KLHL29: variants seen among roughly 807,000 people sequenced by gnomAD.
KLHL29 encodes kelch like family member 29.
Under a neutral mutation model 80.4 loss-of-function variants are expected in KLHL29, and 21 were observed. The observed-to-expected ratio is 0.26, with a 90% CI of 0.19 to 0.38. The LOEUF (loss-of-function observed/expected upper bound fraction) is 0.38. KLHL29 is among the 10% of genes least tolerant of loss of function. The pLI is 1.00. For synonymous variants in KLHL29, 511 were observed against 526.8 expected (o/e 0.97, Z 0.41); for missense variants, 867 against 1,223.9 (o/e 0.71, Z 4.35).
At position 23,700,088 on chromosome 2, in the gene KLHL29, C is replaced by T. The variant is rs891782009; in HGVS notation, c.2106-3098C>T. On this transcript the variant is annotated intron_variant, in intron 11 of 13. Transcript: ENST00000486442. The surrounding 1 kb of genome is among the most constrained non-coding windows in gnomAD (Gnocchi z 4.6). ...CCCTCTGCACTTTGGATTCCATTTG[C>T]ATCCACCTCCTGGAAGCCTTCCATC... 3.9e-5 allele frequency among the ~76,000 whole-genome samples: 6 copies of T among 152,322 alleles called. No homozygotes were observed. Among genetic ancestry groups the T allele is most frequent in the East Asian group, 1.9e-4 (1 of 5,176 alleles).
chr2:23,638,389 G>GT lies in KLHL29; in HGVS notation c.286-740dup, dbSNP rs1027554909. 2.4e-3 allele frequency among the ~76,000 whole-genome samples: 354 copies of GT among 148,566 alleles called. 2 individuals carry two copies. The highest frequency in any genetic ancestry group is 6.1e-3 in the African/African-American group (247 of 40,618). ...TCAGGGAGACAAATACTGTCCTGGT[G>GT]TTTTTTTTTTCACTCTGAGGTTTAT... On this transcript the variant is annotated intron_variant, in intron 3 of 13. Transcript: ENST00000486442.
At chr2:23,386,041 C>A (rs1168524248) in intron 1 of KLHL29, among the ~76,000 whole-genome samples, 2 of 152,104 alleles carry the variant, frequency 1.3e-5, no homozygotes, top group Non-Finnish European at 2.9e-5. Flanking sequence ...GTGTATGCAC[C>A]GGGGCTGCCT....
chr2:23,517,473 GCAGAGGTTGCAGTGAGCCGAGATCGTGC>G (rs975650212), intron 2 of KLHL29, among the ~76,000 whole-genome samples: 2 of 152,214 alleles, frequency 1.3e-5, no homozygotes, highest in Non-Finnish European at 2.9e-5. Flanking sequence ...TACCGGGGAG[GCAGAGGTTGCAGTGAGCCGAGATCGTGC>G]CACTGCACTA....
chr2:23,611,325 T>A (rs1251004240), intron 3 of KLHL29, among the ~76,000 whole-genome samples: 2 of 151,940 alleles, frequency 1.3e-5, no homozygotes, highest in Non-Finnish European at 2.9e-5. Context: ...GCTTGCAGGG[T>A]CAGAGGACCA....
intron 2 of KLHL29, among the ~76,000 whole-genome samples, chr2:23,514,791 A>G (rs1665872761): frequency 6.6e-6 from 1 of 152,206 alleles, no homozygotes; most frequent in African/African-American, 2.4e-5. Context: ...TTTCATGAAA[A>G]TAGACCACGC....
chr2:23,662,369 C>T (rs995002814), intron 5 of KLHL29, among the ~76,000 whole-genome samples: 7 of 152,324 alleles, frequency 4.6e-5, no homozygotes, highest in South Asian at 2.1e-4. Flanking sequence ...AGGGCCACGT[C>T]GTGTTCTGAG....
At chr2:23,606,862 A>G (rs993151324) in intron 3 of KLHL29, among the ~76,000 whole-genome samples, 2 of 152,218 alleles carry the variant, frequency 1.3e-5, no homozygotes, top group African/African-American at 4.8e-5. Flanking sequence ...TACTGTAAAC[A>G]GGGTGGCTTA....
intron 5 of KLHL29, among the ~76,000 whole-genome samples, chr2:23,651,337 T>G (rs2149163865): frequency 6.6e-6 from 1 of 152,328 alleles, no homozygotes; most frequent in Non-Finnish European, 1.5e-5. Context: ...AAGCACAGAC[T>G]AAGACTGTGA....
chr2:23,436,268 A>G (rs1049627521), intron 1 of KLHL29, among the ~76,000 whole-genome samples: 2 of 148,762 alleles, frequency 1.3e-5, no homozygotes, highest in Non-Finnish European at 3.0e-5. Context: ...AGAAGTAAAT[A>G]GCCAATCAGC....
intron 3 of KLHL29, among the ~76,000 whole-genome samples, chr2:23,606,409 G>A (rs1668730242): frequency 1.3e-5 from 2 of 152,058 alleles, no homozygotes; most frequent in African/African-American, 4.8e-5. Flanking sequence ...CCCTTCCTGT[G>A]ACTCACTGTG....
chr2:23,459,594 G>T (rs1240619800), intron 1 of KLHL29, among the ~76,000 whole-genome samples: 1 of 152,234 alleles, frequency 6.6e-6, no homozygotes, highest in East Asian at 1.9e-4. Flanking sequence ...GCAAAGGGAA[G>T]CAAGGGCTTC....
At chr2:23,385,968 C>A (rs1025530528) in intron 1 of KLHL29, among the ~76,000 whole-genome samples, 188 bp downstream of exon 1, 1 of 151,988 alleles carries the variant, frequency 6.6e-6, no homozygotes, top group Non-Finnish European at 1.5e-5. Flanking sequence ...GCTGCAGGAG[C>A]CCTTGCGCCT....
intron 5 of KLHL29, among the ~76,000 whole-genome samples, chr2:23,650,959 A>G (rs988312020): frequency 6.6e-6 from 1 of 152,168 alleles, no homozygotes; most frequent in Non-Finnish European, 1.5e-5. Context: ...TAGGAAACAA[A>G]ACTGGAGAAA....
intron 1 of KLHL29, among the ~76,000 whole-genome samples, chr2:23,396,886 CTCTT>C (rs933474354): frequency 3.3e-5 from 5 of 152,178 alleles, no homozygotes; most frequent in Admixed American, 3.3e-4. Context: ...AAAATTTCCT[CTCTT>C]TCCCCCAAGA....
chr2:23,657,327 C>T (rs1670274717), intron 5 of KLHL29, among the ~76,000 whole-genome samples: 1 of 152,214 alleles, frequency 6.6e-6, no homozygotes, highest in African/African-American at 2.4e-5. Context: ...CCTAAAAGGT[C>T]ACAGTCCTTT....
At chr2:23,454,410 G>T (rs1469279813) in intron 1 of KLHL29, among the ~76,000 whole-genome samples, 1 of 152,200 alleles carries the variant, frequency 6.6e-6, no homozygotes, top group Non-Finnish European at 1.5e-5. Context: ...TTATTTCACA[G>T]AGTAATTGTT....
chr2:23,598,993 C>T (rs1328855743), intron 3 of KLHL29, among the ~76,000 whole-genome samples: 2 of 152,238 alleles, frequency 1.3e-5, no homozygotes, highest in African/African-American at 4.8e-5. Context: ...TTGCATGAAA[C>T]AAGGGCCATG....
chr2:23,399,095 G>A (rs1666527319), intron 1 of KLHL29, among the ~76,000 whole-genome samples: 1 of 152,178 alleles, frequency 6.6e-6, no homozygotes, highest in Non-Finnish European at 1.5e-5. Flanking sequence ...GATCACCATT[G>A]CTGACTGTGG....
intron 3 of KLHL29, among the ~76,000 whole-genome samples, chr2:23,621,575 C>T (rs901710736): frequency 2.6e-5 from 4 of 151,868 alleles, no homozygotes; most frequent in South Asian, 2.1e-4. Context: ...AGGAGGAGTA[C>T]GCTCAAGCCC....
Sources: gnomAD v4.1 joint callset for allele counts (sites outside exome capture counted in the v4.1 genomes callset) on GRCh38, gnomAD v4.1.1 for gene constraint, Gnocchi (gnomAD v3.1) non-coding constraint, MANE v1.5 for transcripts, NCBI Gene and HGNC (gene_info 2026-07-23, HGNC 2026-07-21) for gene names.